The following FOXP1 variants were observed in gnomAD, a reference collection of about 807,000 sequenced individuals.
The protein encoded by FOXP1 is forkhead box P1.
Under a neutral mutation model 98.2 loss-of-function variants are expected in FOXP1, and 15 were observed. That is an observed-to-expected ratio of 0.15 (90% CI 0.10 to 0.24). The LOEUF is 0.24. Ranked by LOEUF, FOXP1 falls within the 10% of genes least tolerant of loss-of-function variation. The pLI is 1.00. For missense variants in FOXP1, 633 were observed against 848.5 expected (o/e 0.75, Z 3.15); for synonymous variants, 371 against 314.5 (o/e 1.18, Z -1.90).
intron 2 of FOXP1, among the ~76,000 whole-genome samples, chr3:71,568,144 G>C (rs1436718734): frequency 6.6e-6 from 1 of 151,968 alleles, no homozygotes; most frequent in Non-Finnish European, 1.5e-5. Flanking sequence ...ACTCGAGCAG[G>C]ATTCGCCTCC....
chr3:71,328,049 T>C (rs1190841088), intron 4 of FOXP1, among the ~76,000 whole-genome samples: 3 of 152,158 alleles, frequency 2.0e-5, no homozygotes, highest in African/African-American at 7.2e-5. Flanking sequence ...AGATCTGAAA[T>C]TGTTTTTCAT....
intron 18 of FOXP1, chr3:70,971,737 G>A: frequency 3.2e-6 from 1 of 309,748 alleles, no homozygotes; most frequent in Non-Finnish European, 5.9e-6. Context: ...GGGATTATGG[G>A]TTAAGCACAA....
At chr3:71,042,866 A>C (rs2048533814) in intron 10 of FOXP1, among the ~76,000 whole-genome samples, 1 of 152,226 alleles carries the variant, frequency 6.6e-6, no homozygotes, top group Admixed American at 6.5e-5. Flanking sequence ...GATCAGCCAA[A>C]CATCTTTACT....
At chr3:71,559,625 C>T (rs1197514118) in intron 2 of FOXP1, among the ~76,000 whole-genome samples, 4 of 152,182 alleles carry the variant, frequency 2.6e-5, no homozygotes, top group Non-Finnish European at 4.4e-5. Flanking sequence ...AGGGACAGAT[C>T]ACTTGAGCCT....
chr3:71,276,900 C>A (rs1446813050), intron 5 of FOXP1, among the ~76,000 whole-genome samples: 1 of 151,780 alleles, frequency 6.6e-6, no homozygotes, highest in Admixed American at 6.6e-5. Context: ...TCTCTCCGTT[C>A]CCCCTACACT....
In FOXP1 at chr3:71,583,639, G is replaced by T; in HGVS notation, c.-515C>A. 1.0e-6 allele frequency: 1 copy of T among 983,032 alleles called. No homozygotes were observed. The highest frequency in any genetic ancestry group is 1.2e-6 in the Non-Finnish European group (1 of 829,178). 60.9% of individuals were successfully genotyped at this position (983,032 alleles called of 1,614,324 possible). On this transcript the variant is annotated 5_prime_UTR_variant, in exon 1 of 21. Transcript: ENST00000649528. ...CCTTTCCCCGCGCGCGCCCACTCCC[G>T]CCCGCGCGCGCACCCCGCGCACACA...
intron 2 of FOXP1, among the ~76,000 whole-genome samples, chr3:71,528,951 A>C (rs750446477): frequency 9.2e-5 from 14 of 152,208 alleles, no homozygotes; most frequent in Non-Finnish European, 1.3e-4. Context: ...AGTAATGCTA[A>C]ACTAAGAAGC....
At chr3:70,970,920 G>T in intron 18 of FOXP1, 115 bp from the exon 19 acceptor site, 1 of 796,628 alleles carries the variant, frequency 1.3e-6, no homozygotes, top group South Asian at 1.4e-5. Flanking sequence ...TCCCCCACTA[G>T]CAAAACCCAA....
rs556468608 is a variant in FOXP1 at position 71,375,752 on chromosome 3, T to C, written c.-167-16508A>G. On this transcript the variant is annotated intron_variant, in intron 3 of 20. Coordinates refer to ENST00000649528, the MANE Select transcript of FOXP1 (RefSeq NM_001349338.3). ...GACAAGGATGGAGAAATCACTGTTCTAGTTGTTGATATAAACAAAGCTAGA... is the reference window on the plus strand; with the variant it reads ...GACAAGGATGGAGAAATCACTGTTCCAGTTGTTGATATAAACAAAGCTAGA... 2.6e-5 allele frequency among the ~76,000 whole-genome samples: 4 copies of C among 152,348 alleles called. No individual in the cohort carries two copies. In the South Asian group the frequency reaches 6.2e-4, roughly 24 times the overall value.
At chr3:71,155,112 C>A (rs1522178) in intron 6 of FOXP1, among the ~76,000 whole-genome samples, 1 of 151,798 alleles carries the variant, frequency 6.6e-6, no homozygotes, top group Non-Finnish European at 1.5e-5. Context: ...CACAAACAAA[C>A]AATTGAGATT....
chr3:71,568,536 C>T (rs2047091403), intron 2 of FOXP1, among the ~76,000 whole-genome samples: 1 of 152,206 alleles, frequency 6.6e-6, no homozygotes, highest in African/African-American at 2.4e-5. Context: ...GCTCTGCCAT[C>T]ACCTTCTTGA....
chr3:71,087,912 G>A (rs1459308754), intron 7 of FOXP1, among the ~76,000 whole-genome samples: 3 of 152,116 alleles, frequency 2.0e-5, no homozygotes, highest in Non-Finnish European at 2.9e-5. Context: ...TATAAGTTTT[G>A]TAAAATCTTT....
intron 3 of FOXP1, among the ~76,000 whole-genome samples, chr3:71,407,991 T>C (rs946917286): frequency 1.1e-4 from 17 of 152,304 alleles, no homozygotes; most frequent in African/African-American, 3.6e-4. Flanking sequence ...GCTTGATCAC[T>C]GTCCTTTTCT....
chr3:70,992,330 G>C (rs1195591407), intron 13 of FOXP1, among the ~76,000 whole-genome samples: 4 of 152,150 alleles, frequency 2.6e-5, no homozygotes, highest in African/African-American at 9.7e-5. Context: ...TGTGGCCCAA[G>C]CATATCCAGT....
chr3:71,172,146 G>T (rs2108223109), intron 6 of FOXP1, among the ~76,000 whole-genome samples: 1 of 152,092 alleles, frequency 6.6e-6, no homozygotes, highest in South Asian at 2.1e-4. Context: ...GAAGCTCGAG[G>T]GTAGTCCTCC....
chr3:71,384,803 G>A (rs762612002), intron 3 of FOXP1, among the ~76,000 whole-genome samples: 1 of 152,182 alleles, frequency 6.6e-6, no homozygotes, highest in Non-Finnish European at 1.5e-5. Context: ...TAACCATTTA[G>A]GAAATGGCCA....
chr3:71,579,352 T>C (rs2047967522), intron 2 of FOXP1, among the ~76,000 whole-genome samples: 1 of 152,222 alleles, frequency 6.6e-6, no homozygotes, highest in African/African-American at 2.4e-5. Context: ...TTGATGTTTC[T>C]TTCATTATAC....
chr3:71,254,763 G>A (rs991443201), intron 5 of FOXP1, among the ~76,000 whole-genome samples: 1 of 152,124 alleles, frequency 6.6e-6, no homozygotes, highest in Non-Finnish European at 1.5e-5. Flanking sequence ...CTATTTACCT[G>A]TGTCTTTCAC....
intron 3 of FOXP1, among the ~76,000 whole-genome samples, chr3:71,428,960 G>C (rs914667115): frequency 9.2e-5 from 14 of 152,196 alleles, no homozygotes; most frequent in Admixed American, 6.5e-5. Context: ...TGCAATTACA[G>C]AATCAATAAA....
Sources: gnomAD v4.1 joint callset for allele counts (sites outside exome capture counted in the v4.1 genomes callset) on GRCh38, gnomAD v4.1.1 for gene constraint, MANE v1.5 for transcripts, NCBI Gene and HGNC (gene_info 2026-07-23, HGNC 2026-07-21) for gene names.